Variants in MAML2 observed in about 807,000 individuals in gnomAD.
The protein encoded by MAML2 is mastermind like transcriptional coactivator 2.
MAML2 carries 22 observed loss-of-function variants against 96.1 expected under a neutral mutation model. The ratio of observed to expected loss-of-function variants is 0.23; its 90% confidence interval spans 0.16 to 0.33. The LOEUF is 0.33. Among genes scored for constraint, MAML2 ranks in the 10% least tolerant of loss-of-function variants. The probability of loss-of-function intolerance (pLI) is 1.00; values close to 1 mark genes in which losing one functional copy is unlikely to be tolerated. For missense variants in MAML2, 1,367 were observed against 1,392.4 expected, an observed-to-expected ratio of 0.98 and a Z score of 0.29; for synonymous variants, 561 against 521.3, an observed-to-expected ratio of 1.08 and a Z score of -1.04.
chr11:96,066,745 TG>T lies in MAML2; in HGVS notation c.2139+25146del, dbSNP rs527393854. ...AAAACTAGGAAGGCTGCAGCTTTCA[TG>T]GTGCTTAACTTCTAGTGAAGACAGA... On this transcript the variant is annotated intron_variant, in intron 2 of 4. Transcript: ENST00000524717. Among the ~76,000 whole-genome samples, 841 of 152,360 alleles carry T rather than the reference TG, an allele frequency of 5.5e-3. 10 individuals carry two copies. Among genetic ancestry groups the T allele is most frequent in the African/African-American group, 0.019 (791 of 41,580 alleles).
chr11:96,180,054 G>C (rs988861381), intron 1 of MAML2, among the ~76,000 whole-genome samples: 2 of 152,178 alleles, frequency 1.3e-5, no homozygotes, highest in African/African-American at 4.8e-5. Context: ...ATGACTTTGA[G>C]AAATAAGGTT....
chr11:96,225,825 A>G (rs974879043), intron 1 of MAML2, among the ~76,000 whole-genome samples: 1 of 146,682 alleles, frequency 6.8e-6, no homozygotes, highest in Non-Finnish European at 1.5e-5. Flanking sequence ...AGAGCGAGAC[A>G]CTATCTCAAA....
intron 1 of MAML2, among the ~76,000 whole-genome samples, chr11:96,153,086 T>G (rs908660568): frequency 1.3e-5 from 2 of 152,200 alleles, no homozygotes; most frequent in Non-Finnish European, 1.5e-5. Flanking sequence ...AATCTTCTTT[T>G]TTCATACTTA....
At chr11:96,165,536 A>G (rs963610206) in intron 1 of MAML2, among the ~76,000 whole-genome samples, 8 of 152,168 alleles carry the variant, frequency 5.3e-5, no homozygotes, top group Non-Finnish European at 1.2e-4. Context: ...CATTTTACAT[A>G]TCTCTGTTTT....
At position 96,111,158 on chromosome 11, in the gene MAML2, A is replaced by G. The variant is rs185866317; in HGVS notation, c.514-17641T>C. Among the ~76,000 whole-genome samples, 324 of 152,356 alleles carry G rather than the reference A, an allele frequency of 2.1e-3. 3 individuals carry two copies. Among genetic ancestry groups the G allele is most frequent in the Admixed American group, 5.5e-3 (84 of 15,308 alleles). ...CATTCTCCACTATCTGTGCTCACATAGTAAGCACACATCATTTTATTTCTT... is the reference window on the plus strand; with the variant it reads ...CATTCTCCACTATCTGTGCTCACATGGTAAGCACACATCATTTTATTTCTT... On this transcript the variant is annotated intron_variant, in intron 1 of 4. Coordinates refer to ENST00000524717, the MANE Select transcript of MAML2 (RefSeq NM_032427.4).
chr11:96,218,432 T>C (rs1007684222), intron 1 of MAML2, among the ~76,000 whole-genome samples: 2 of 152,188 alleles, frequency 1.3e-5, no homozygotes, highest in Non-Finnish European at 2.9e-5. Context: ...GAAATGCATT[T>C]TTATCTTGAT....
chr11:96,323,832 T>C (rs981996258), intron 1 of MAML2, among the ~76,000 whole-genome samples: 1 of 152,208 alleles, frequency 6.6e-6, no homozygotes, highest in African/African-American at 2.4e-5. Context: ...GGTATGGCCT[T>C]AGAATCCTCC....
chr11:96,269,920 C>A (rs1420983229), intron 1 of MAML2, among the ~76,000 whole-genome samples: 1 of 143,872 alleles, frequency 7.0e-6, no homozygotes, highest in Non-Finnish European at 1.5e-5. Context: ...CGTTGGGAGC[C>A]CCAGAGCTCA....
At chr11:96,110,215 ATTCTTC>A (rs1184876329) in intron 1 of MAML2, among the ~76,000 whole-genome samples, 1 of 152,172 alleles carries the variant, frequency 6.6e-6, no homozygotes, top group Non-Finnish European at 1.5e-5. Flanking sequence ...AAGTAGGTAG[ATTCTTC>A]TTCTTAAAAG....
intron 1 of MAML2, among the ~76,000 whole-genome samples, chr11:96,340,780 T>C (rs1241509616): frequency 2.0e-5 from 3 of 152,130 alleles, no homozygotes; most frequent in African/African-American, 4.8e-5. Flanking sequence ...GTAGGCCTCT[T>C]AAGAAACAGT....
Position 96,342,263 on chromosome 11 carries a change from C to A in MAML2, c.-368G>T, listed in dbSNP as rs780539649. ...TAAACACACGATCTGGGGGTTAGATCAAGAATTCAGGGATTGTCCAGCAAG... is the reference window on the plus strand; with the variant it reads ...TAAACACACGATCTGGGGGTTAGATAAAGAATTCAGGGATTGTCCAGCAAG... On this transcript the variant is annotated 5_prime_UTR_variant, in exon 1 of 5. Transcript: ENST00000524717. 45 of 435,506 alleles carry A rather than the reference C, an allele frequency of 1.0e-4. No homozygotes were observed. Among genetic ancestry groups the A allele is most frequent in the Non-Finnish European group, 1.7e-4 (43 of 246,840 alleles). The allele number at this position is 435,506 out of a possible 1,614,324, so 27.0% of individuals were successfully genotyped here.
intron 2 of MAML2, among the ~76,000 whole-genome samples, chr11:96,060,901 A>T (rs1480497827): frequency 1.3e-5 from 2 of 152,194 alleles, no homozygotes; most frequent in Admixed American, 6.5e-5. Flanking sequence ...CTTGTTTTTC[A>T]TGAGGCCAGT....
intron 1 of MAML2, among the ~76,000 whole-genome samples, chr11:96,304,032 G>A (rs1863429624): frequency 1.3e-5 from 2 of 152,322 alleles, no homozygotes; most frequent in Middle Eastern, 6.8e-3. Flanking sequence ...ATCCATTAAT[G>A]TCTGTACCTC....
At chr11:96,073,678 G>A (rs1415680184) in intron 2 of MAML2, among the ~76,000 whole-genome samples, 1 of 152,180 alleles carries the variant, frequency 6.6e-6, no homozygotes, top group Non-Finnish European at 1.5e-5. Flanking sequence ...ATCTTGGGTG[G>A]AAAGAGTATG....
chr11:96,117,850 C>A (rs1860271154), intron 1 of MAML2, among the ~76,000 whole-genome samples: 1 of 152,160 alleles, frequency 6.6e-6, no homozygotes, highest in African/African-American at 2.4e-5. Context: ...ATAATTTGGT[C>A]TAGGGCTCTG....
chr11:96,252,575 G>A (rs953849830), intron 1 of MAML2, among the ~76,000 whole-genome samples: 3 of 151,938 alleles, frequency 2.0e-5, no homozygotes, highest in Non-Finnish European at 4.4e-5. Context: ...ACAGGCGCGT[G>A]TCACCATGCC....
chr11:95,993,788 G>A, intron 2 of MAML2, among the ~76,000 whole-genome samples: 1 of 152,198 alleles, frequency 6.6e-6, no homozygotes, highest in Non-Finnish European at 1.5e-5. Flanking sequence ...GAGCTCACCA[G>A]CTGCCTCAAA....
intron 1 of MAML2, among the ~76,000 whole-genome samples, chr11:96,093,983 T>C (rs1373014884): frequency 1.7e-5 from 1 of 57,330 alleles, no homozygotes; most frequent in Non-Finnish European, 4.2e-5. Context: ...AACAAATCTC[T>C]AGTTTCTTTT....
chr11:96,203,843 C>T lies in MAML2; in HGVS notation c.514-110326G>A, dbSNP rs145341864. Among the ~76,000 whole-genome samples the T allele has an allele frequency of 6.1e-4, 93 of 152,304 alleles. 1 individual carries two copies. In the East Asian group the frequency reaches 0.014, roughly 24 times the overall value. On this transcript the variant is annotated intron_variant, in intron 1 of 4. Transcript: ENST00000524717. ...TCAAAAAATTCAGTGCGGTTATTCTCAATAATATGAGTGCAAAAACACATT... is the reference window on the plus strand; with the variant it reads ...TCAAAAAATTCAGTGCGGTTATTCTTAATAATATGAGTGCAAAAACACATT...
Sources: allele counts gnomAD v4.1 joint callset (sites outside exome capture counted in the v4.1 genomes callset), GRCh38; gene constraint gnomAD v4.1.1; transcripts MANE v1.5; gene names NCBI Gene and HGNC (gene_info 2026-07-23, HGNC 2026-07-21).